PACS1: variants seen among roughly 807,000 people sequenced by gnomAD.
PACS1 encodes the protein PACS-1.
PACS1 carries 24 observed loss-of-function variants against 115.0 expected under a neutral mutation model. The ratio of observed to expected loss-of-function variants is 0.21; its 90% confidence interval spans 0.15 to 0.29. The LOEUF (loss-of-function observed/expected upper bound fraction) is 0.29, where lower values mean the gene tolerates loss of function less well. Among genes scored for constraint, PACS1 ranks in the 10% least tolerant of loss-of-function variants. PACS1 has a pLI of 1.00. For missense variants in PACS1, 838 were observed against 1,251.2 expected (o/e 0.67, Z 4.98); for synonymous variants, 453 against 504.5 (o/e 0.90, Z 1.37).
At chr11:66,121,598 A>G (rs1858443135) in intron 1 of PACS1, among the ~76,000 whole-genome samples, 1 of 152,258 alleles carries the variant, frequency 6.6e-6, no homozygotes, top group African/African-American at 2.4e-5. Context: ...GAAGGAAATT[A>G]AAAGTGCTAC....
At chr11:66,171,130 G>A (rs1043761852) in intron 1 of PACS1, among the ~76,000 whole-genome samples, 1 of 150,300 alleles carries the variant, frequency 6.7e-6, no homozygotes, top group Non-Finnish European at 1.5e-5. Context: ...CCTCTGATAA[G>A]TAAGCTTGTC....
At chr11:66,106,030 A>G (rs989159089) in intron 1 of PACS1, among the ~76,000 whole-genome samples, 8 of 152,200 alleles carry the variant, frequency 5.3e-5, no homozygotes, top group Non-Finnish European at 1.2e-4. Flanking sequence ...TATTCTGGCT[A>G]GCTTTTCCAC....
chr11:66,189,220 A>G (rs1486275369), intron 1 of PACS1, among the ~76,000 whole-genome samples: 1 of 152,186 alleles, frequency 6.6e-6, no homozygotes, highest in Non-Finnish European at 1.5e-5. Flanking sequence ...GCCATTGAAA[A>G]CAAACAAAAA....
chr11:66,197,366 A>C (rs574572036), intron 2 of PACS1, among the ~76,000 whole-genome samples: 62 of 152,220 alleles, frequency 4.1e-4, no homozygotes, highest in Middle Eastern at 3.4e-3. Flanking sequence ...TGTTAATTGG[A>C]TTTTAACATA....
intron 2 of PACS1, among the ~76,000 whole-genome samples, chr11:66,199,184 G>A (rs1327713094): frequency 3.3e-5 from 5 of 151,890 alleles, no homozygotes; most frequent in African/African-American, 4.8e-5. Context: ...GCGTGGTGGC[G>A]GGCACCTGTA....
Position 66,235,232 on chromosome 11 carries a change from T to C in PACS1, c.2105-69T>C, listed in dbSNP as rs1855682088. ...GACGGGTCTCAGGAAGGGATCCCTC[T>C]CCGAGAGGGTCTGCAGGTTTGCCAG... On this transcript the variant is annotated intron_variant, in intron 17 of 23. Transcript: ENST00000320580. The surrounding 1 kb of genome is among the most constrained non-coding windows in gnomAD (Gnocchi z 5.6). 3 of 1,150,106 alleles carry C rather than the reference T, an allele frequency of 2.6e-6. No individual in the cohort carries two copies. Among genetic ancestry groups the C allele is most frequent in the Non-Finnish European group, 2.6e-6 (2 of 761,562 alleles). The allele number at this position is 1,150,106 out of a possible 1,614,324, so 71.2% of individuals were successfully genotyped here.
At chr11:66,172,273 T>C (rs1460654899) in intron 1 of PACS1, among the ~76,000 whole-genome samples, 1 of 152,226 alleles carries the variant, frequency 6.6e-6, no homozygotes, top group Admixed American at 6.5e-5. Context: ...GTCTCCCTTA[T>C]GACTGTGGCT....
At chr11:66,223,817 A>C (rs1348814291) in intron 10 of PACS1, among the ~76,000 whole-genome samples, 4 of 152,192 alleles carry the variant, frequency 2.6e-5, no homozygotes, top group Non-Finnish European at 4.4e-5. Context: ...GACTTATAAA[A>C]CTTACAGAAA....
At chr11:66,148,908 A>G (rs1398541982) in intron 1 of PACS1, among the ~76,000 whole-genome samples, 3 of 152,158 alleles carry the variant, frequency 2.0e-5, no homozygotes, top group Non-Finnish European at 4.4e-5. Flanking sequence ...CCCAGGTGAC[A>G]GAGTGAGGCT....
intron 5 of PACS1, 35 bp from the exon 6 acceptor site, chr11:66,216,485 A>G (rs1043749429): frequency 6.3e-7 from 1 of 1,576,156 alleles, no homozygotes; most frequent in South Asian, 1.1e-5. Context: ...AGATCTTCCC[A>G]TTGCAAGGTT....
chr11:66,106,421 A>T (rs1858041094), intron 1 of PACS1, among the ~76,000 whole-genome samples: 1 of 152,012 alleles, frequency 6.6e-6, no homozygotes, highest in African/African-American at 2.4e-5. Flanking sequence ...AAAATACAAA[A>T]ATTAGCCGGG....
At chr11:66,229,475 G>A (rs554767336) in intron 11 of PACS1, among the ~76,000 whole-genome samples, 595 of 151,890 alleles carry the variant, frequency 3.9e-3, no homozygotes, top group Non-Finnish European at 6.1e-3. Context: ...CGAGGCGGGC[G>A]GATCACGAGG....
At chr11:66,086,134 C>CTTT (rs1196106929) in intron 1 of PACS1, among the ~76,000 whole-genome samples, 89 of 122,802 alleles carry the variant, frequency 7.2e-4, no homozygotes, top group Middle Eastern at 4.8e-3. Context: ...CTTATGATTT[C>CTTT]TTTTTTTTTT....
In PACS1 at chr11:66,227,594, G is replaced by A. The variant is rs1855493227; in HGVS notation, c.1374+10G>A. ...TGAAACAGACACTCTGGTATGTATG[G>A]GTCAGTTTCCTGTTTCAGCTGTTTC... On this transcript the variant is annotated intron_variant, in intron 11 of 23. Coordinates refer to ENST00000320580, the MANE Select transcript of PACS1 (RefSeq NM_018026.4). 1.3e-6 allele frequency: 2 copies of A among 1,559,774 alleles called. No homozygotes were observed. Among genetic ancestry groups the A allele is most frequent in the Admixed American group, 1.8e-5 (1 of 54,304 alleles).
At chr11:66,217,013 A>C in intron 7 of PACS1, 1 of 520,410 alleles carries the variant, frequency 1.9e-6, no homozygotes, top group Non-Finnish European at 3.4e-6. Context: ...AGAAAAAAGG[A>C]GGAGAACCCT....
intron 1 of PACS1, among the ~76,000 whole-genome samples, chr11:66,153,161 C>T (rs866459518): frequency 6.6e-6 from 1 of 151,822 alleles, no homozygotes; most frequent in Non-Finnish European, 1.5e-5. Flanking sequence ...ACTATGTTGC[C>T]CAGGCTTGAG....
At chr11:66,128,626 G>A (rs1306812513) in intron 1 of PACS1, among the ~76,000 whole-genome samples, 1 of 152,178 alleles carries the variant, frequency 6.6e-6, no homozygotes, top group Non-Finnish European at 1.5e-5. Flanking sequence ...GCTCATGCCT[G>A]TAATCCCAGC....
At chr11:66,155,638 T>A (rs949708022) in intron 1 of PACS1, among the ~76,000 whole-genome samples, 1 of 152,198 alleles carries the variant, frequency 6.6e-6, no homozygotes, top group Non-Finnish European at 1.5e-5. Flanking sequence ...TCATATCCTC[T>A]GTTGAGAATG....
intron 1 of PACS1, among the ~76,000 whole-genome samples, chr11:66,139,527 A>G (rs1379550738): frequency 5.2e-5 from 7 of 133,340 alleles, no homozygotes; most frequent in African/African-American, 2.0e-4. Flanking sequence ...TGTGGTAACC[A>G]TCCTTCTACT....
Sources: gnomAD v4.1 joint callset for allele counts (sites outside exome capture counted in the v4.1 genomes callset) on GRCh38, gnomAD v4.1.1 for gene constraint, Gnocchi (gnomAD v3.1) non-coding constraint, MANE v1.5 for transcripts, NCBI Gene and HGNC (gene_info 2026-07-23, HGNC 2026-07-21) for gene names.